GPC5: variants seen among roughly 807,000 people sequenced by gnomAD.
GPC5 encodes the protein glypican-5.
Under a neutral mutation model 53.9 loss-of-function variants are expected in GPC5, and 47 were observed. The ratio of observed to expected loss-of-function variants is 0.87; its 90% confidence interval spans 0.69 to 1.11. The LOEUF (loss-of-function observed/expected upper bound fraction) is 1.11, where lower values mean the gene tolerates loss of function less well. Ranked by LOEUF, GPC5 falls within the 50% of genes most tolerant of loss-of-function variation. The pLI is 0.00. For synonymous variants in GPC5, 286 were observed against 263.3 expected, an observed-to-expected ratio of 1.09 and a Z score of -0.84; for missense variants, 748 against 713.1, an observed-to-expected ratio of 1.05 and a Z score of -0.56.
At chr13:92,705,923 C>CAA (rs1266345342) in intron 7 of GPC5, 23 of 130,858 alleles carry the variant, frequency 1.8e-4, no homozygotes, top group East Asian at 2.3e-4. Flanking sequence ...TCATCTCCAC[C>CAA]AAAAAAAAAA....
intron 2 of GPC5, among the ~76,000 whole-genome samples, chr13:91,582,541 G>GA (rs1359262235): frequency 6.6e-6 from 1 of 151,904 alleles, no homozygotes; most frequent in Non-Finnish European, 1.5e-5. Context: ...ACACAAACTT[G>GA]AAAAAAATGA....
At chr13:91,505,025 G>C (rs73602390) in intron 2 of GPC5, among the ~76,000 whole-genome samples, 2 of 152,046 alleles carry the variant, frequency 1.3e-5, no homozygotes, top group African/African-American at 4.8e-5. Context: ...TATATCACAT[G>C]GTTTCATAGG....
At chr13:92,414,556 T>C (rs1211608813) in intron 7 of GPC5, among the ~76,000 whole-genome samples, 1 of 151,678 alleles carries the variant, frequency 6.6e-6, no homozygotes, top group Non-Finnish European at 1.5e-5. Context: ...ACAGAGTGCT[T>C]TGAGAGTATA....
intron 4 of GPC5, among the ~76,000 whole-genome samples, chr13:91,745,263 G>A (rs2037023305): frequency 6.6e-6 from 1 of 151,914 alleles, no homozygotes; most frequent in Non-Finnish European, 1.5e-5. Context: ...TTTTTTATGG[G>A]GACATTAAGT....
chr13:92,280,429 T>C (rs1235658889), intron 7 of GPC5, among the ~76,000 whole-genome samples: 1 of 152,206 alleles, frequency 6.6e-6, no homozygotes, highest in African/African-American at 2.4e-5. Context: ...TCTAGTTTGC[T>C]AAAGCATTAA....
chr13:92,069,191 T>C (rs1286998244), intron 6 of GPC5, among the ~76,000 whole-genome samples: 1 of 152,152 alleles, frequency 6.6e-6, no homozygotes, highest in African/African-American at 2.4e-5. Context: ...GGTTTATTTA[T>C]TGATGCTCAA....
At chr13:91,534,908 T>C (rs1489842036) in intron 2 of GPC5, among the ~76,000 whole-genome samples, 2 of 152,210 alleles carry the variant, frequency 1.3e-5, no homozygotes, top group East Asian at 1.9e-4. Flanking sequence ...TTCTTCACAG[T>C]GTGGCCAGGA....
chr13:91,945,336 C>T (rs1267605111), intron 6 of GPC5, among the ~76,000 whole-genome samples: 4 of 152,012 alleles, frequency 2.6e-5, no homozygotes, highest in African/African-American at 7.2e-5. Flanking sequence ...TGGATTCTGC[C>T]AGTTTCTATT....
intron 7 of GPC5, among the ~76,000 whole-genome samples, chr13:92,583,083 G>T (rs546914898): frequency 6.6e-6 from 1 of 151,412 alleles, no homozygotes; most frequent in African/African-American, 2.4e-5. Flanking sequence ...CAGAGGAAAA[G>T]CTTTCAACTT....
At chr13:91,421,303 T>G (rs1878613406) in intron 1 of GPC5, among the ~76,000 whole-genome samples, 1 of 152,202 alleles carries the variant, frequency 6.6e-6, no homozygotes, top group African/African-American at 2.4e-5. Context: ...GATGTGATGG[T>G]CTCTTTTAAC....
intron 2 of GPC5, among the ~76,000 whole-genome samples, chr13:91,496,022 C>A (rs1197862702): frequency 4.1e-5 from 6 of 147,822 alleles, no homozygotes; most frequent in South Asian, 2.1e-4. Flanking sequence ...GACTCTGTCT[C>A]AAAAAAAATA....
At chr13:91,511,437 C>A (rs1566464156) in intron 2 of GPC5, among the ~76,000 whole-genome samples, 2 of 151,864 alleles carry the variant, frequency 1.3e-5, no homozygotes, top group Non-Finnish European at 2.9e-5. Context: ...AATTCTCATT[C>A]TTTTTTTTCT....
intron 7 of GPC5, among the ~76,000 whole-genome samples, chr13:92,297,694 A>T (rs899835287): frequency 6.6e-6 from 1 of 152,102 alleles, no homozygotes; most frequent in Admixed American, 6.5e-5. Context: ...CCCTGACAAA[A>T]CAGGCCTCTC....
intron 5 of GPC5, among the ~76,000 whole-genome samples, chr13:91,837,021 A>G (rs1341175137): frequency 1.3e-5 from 2 of 150,052 alleles, no homozygotes; most frequent in Non-Finnish European, 3.0e-5. Flanking sequence ...AGAAATTAAA[A>G]CTAAGAGATG....
chr13:92,213,290 G>C (rs373893287), intron 7 of GPC5, among the ~76,000 whole-genome samples: 1 of 151,922 alleles, frequency 6.6e-6, no homozygotes, highest in Non-Finnish European at 1.5e-5. Flanking sequence ...CCATCCTCCC[G>C]GAGCTTACAA....
intron 7 of GPC5, among the ~76,000 whole-genome samples, chr13:92,562,355 ACT>A (rs1410762054): frequency 1.3e-5 from 2 of 151,526 alleles, no homozygotes; most frequent in African/African-American, 4.8e-5. Context: ...TATTCTCTCC[ACT>A]CTCAGTCCTT....
chr13:91,675,629 G>T (rs539162320), intron 2 of GPC5, among the ~76,000 whole-genome samples: 1 of 152,322 alleles, frequency 6.6e-6, no homozygotes, highest in East Asian at 1.9e-4. Context: ...ATAGTAGATT[G>T]TACAACCAAT....
chr13:91,644,231 G>A (rs1238117486), intron 2 of GPC5, among the ~76,000 whole-genome samples: 2 of 152,018 alleles, frequency 1.3e-5, no homozygotes. Flanking sequence ...ATTTTTCTAA[G>A]ATCTTTATAT....
At chr13:91,914,676 T>C (rs1191310680) in intron 6 of GPC5, among the ~76,000 whole-genome samples, 3 of 29,708 alleles carry the variant, frequency 1.0e-4, no homozygotes, top group Non-Finnish European at 2.5e-4. Context: ...AGGATACCGA[T>C]ATAATAAATA....
Sources: allele counts gnomAD v4.1 joint callset (sites outside exome capture counted in the v4.1 genomes callset), GRCh38; gene constraint gnomAD v4.1.1; transcripts MANE v1.5; gene names NCBI Gene and HGNC (gene_info 2026-07-23, HGNC 2026-07-21).